CFI: variants seen among roughly 807,000 people sequenced by gnomAD.
CFI encodes the protein C3B/C4B inactivator.
Under a neutral mutation model 78.8 loss-of-function variants are expected in CFI, and 66 were observed. The observed-to-expected ratio is 0.84, with a 90% CI of 0.69 to 1.03. The LOEUF is 1.03. CFI is among the 50% of genes least tolerant of loss of function. CFI has a pLI of 0.00. For missense variants in CFI, 706 were observed against 704.5 expected (o/e 1.00, Z -0.02); for synonymous variants, 250 against 232.6 (o/e 1.07, Z -0.68).
intron 4 of CFI, 35 bp from the exon 5 acceptor site, chr4:109,760,671 T>C (rs370378650): frequency 4.7e-5 from 57 of 1,206,348 alleles, no homozygotes; most frequent in Non-Finnish European, 6.7e-5. Context: ...GAAATTTATT[T>C]ATGGAGTGGT....
At chr4:109,783,489 T>TTACTACTTTATTATG (rs938630129) in intron 1 of CFI, among the ~76,000 whole-genome samples, 1 of 151,970 alleles carries the variant, frequency 6.6e-6, no homozygotes, top group Non-Finnish European at 1.5e-5. Flanking sequence ...ACCTTACTCC[T>TTACTACTTTATTATG]GCAAGAATGG....
the CFI span, among the ~76,000 whole-genome samples, chr4:109,732,673 C>A: frequency 1.3e-5 from 2 of 151,924 alleles, no homozygotes; most frequent in Non-Finnish European, 2.9e-5. Flanking sequence ...CTGGCTAACA[C>A]GGTGAAACCC....
At chr4:109,800,319 C>CTTTTTTTTTTTTTTTTTTTTTTTTTT (rs1560572852) in intron 1 of CFI, among the ~76,000 whole-genome samples, 1 of 102,106 alleles carries the variant, frequency 9.8e-6, no homozygotes, top group African/African-American at 3.9e-5. Context: ...TTTGGCTTCT[C>CTTTTTTTTTTTTTTTTTTTTTTTTTT]TGTTTTTTTT....
chr4:109,742,328 T>G (rs2126180173), intron 12 of CFI, 163 bp downstream of exon 12: 345 of 638,764 alleles, frequency 5.4e-4, no homozygotes, highest in East Asian at 8.0e-4. Context: ...GGAAGAAACC[T>G]GAGCTACAGG....
intron 1 of CFI, among the ~76,000 whole-genome samples, chr4:109,768,990 G>C (rs1051741500): frequency 6.6e-6 from 1 of 151,488 alleles, no homozygotes; most frequent in African/African-American, 2.4e-5. Context: ...CACTTTTCAT[G>C]GTTCCACGTA....
chr4:109,777,370 C>A (rs1386649342), intron 1 of CFI, among the ~76,000 whole-genome samples: 1 of 152,036 alleles, frequency 6.6e-6, no homozygotes, highest in Non-Finnish European at 1.5e-5. Flanking sequence ...CAACAAAGAT[C>A]AAAAGAGACA....
intron 1 of CFI, among the ~76,000 whole-genome samples, chr4:109,768,983 T>C (rs764553746): frequency 6.6e-6 from 1 of 150,466 alleles, no homozygotes; most frequent in African/African-American, 2.4e-5. Context: ...AGTTACGCAC[T>C]TTTCATGGTT....
intron 1 of CFI, among the ~76,000 whole-genome samples, chr4:109,771,714 CAAAAAAAAAAAAAA>C (rs149565381): frequency 7.2e-4 from 13 of 18,128 alleles, no homozygotes; most frequent in South Asian, 4.8e-3. Flanking sequence ...ACTCCATCAC[CAAAAAAAAAAAAAA>C]AAAAAAAAAA....
chr4:109,757,757 T>C lies in CFI; in HGVS notation c.904+6A>G. The C allele has an allele frequency of 7.0e-7, 1 of 1,428,646 alleles. No homozygotes were observed. The allele number at this position is 1,428,646 out of a possible 1,614,324, so 88.5% of individuals were successfully genotyped here. A position where few individuals can be genotyped will look rare whatever the true frequency, so the allele number is the denominator to read the frequency against. On this transcript the variant is annotated splice_donor_region_variant and intron_variant, in intron 7 of 12. Coordinates refer to ENST00000394634, the MANE Select transcript of CFI (RefSeq NM_000204.5). ...TAATATCCCCAAATTTTAATAAAAA[T>C]TTTACCTTGAGTCACAGATGCAAAG...
chr4:109,795,731 T>C (rs28762207), intron 1 of CFI, among the ~76,000 whole-genome samples: 17,319 of 152,002 alleles, frequency 0.11, 2,093 homozygotes, highest in East Asian at 0.31. Flanking sequence ...AAAAATTCAG[T>C]AGAGAGCTCA....
chr4:109,757,082 G>T (rs1726404673), intron 7 of CFI, among the ~76,000 whole-genome samples: 1 of 151,938 alleles, frequency 6.6e-6, no homozygotes, highest in Non-Finnish European at 1.5e-5. Flanking sequence ...AGGCTGGAGT[G>T]CAGTGACGCG....
At chr4:109,754,283 C>T (rs2126202617) in intron 7 of CFI, among the ~76,000 whole-genome samples, 1 of 151,778 alleles carries the variant, frequency 6.6e-6, no homozygotes, top group Non-Finnish European at 1.5e-5. Flanking sequence ...TGCCTGGCCT[C>T]CCAAGGTGTT....
At chr4:109,789,441 G>GAC (rs71595517) in intron 1 of CFI, among the ~76,000 whole-genome samples, 27,681 of 151,752 alleles carry the variant, frequency 0.18, 4,836 homozygotes, top group African/African-American at 0.44. Flanking sequence ...AAGGAAAAAA[G>GAC]ACACTATGTA....
At chr4:109,738,826 G>A (rs1210626144), downstream of CFI, among the ~76,000 whole-genome samples, 1 of 152,200 alleles carries the variant, frequency 6.6e-6, no homozygotes, top group Non-Finnish European at 1.5e-5. Context: ...GTCCAATCCT[G>A]TCTGACGGCA....
chr4:109,760,744 A>G (rs1726952752), intron 4 of CFI, 108 bp from the exon 5 acceptor site: 1 of 725,852 alleles, frequency 1.4e-6, no homozygotes, highest in African/African-American at 1.7e-5. Flanking sequence ...TAAACTTCAA[A>G]AAAATGTATA....
chr4:109,734,485 A>G, the CFI span, among the ~76,000 whole-genome samples: 1 of 152,200 alleles, frequency 6.6e-6, no homozygotes, highest in Admixed American at 6.5e-5. Context: ...ACACAGTTGT[A>G]GTCAGAGGAA....
chr4:109,782,747 C>A (rs372176425), intron 1 of CFI, among the ~76,000 whole-genome samples: 1 of 152,042 alleles, frequency 6.6e-6, no homozygotes, highest in African/African-American at 2.4e-5. Context: ...AAGAGCAAAT[C>A]TGGAAGCATC....
rs757053954 is a variant in CFI at position 109,746,350 on chromosome 4, TC to T, written c.1300del (p.Glu434LysfsTer2). On this transcript the variant is annotated frameshift_variant, in exon 11 of 13. Transcript: ENST00000394634. LOFTEE classifies it high-confidence loss of function. ...GTYQNDIALI[E>X]MKKDGNKKDC... is the part of the protein sequence containing the mutation. ...TTTTTTGTTTCCGTCTTTTTTCATT[TC>T]AATCAAAGCGATGTCATTTTGGTAA... 12 of 1,614,086 alleles carry T rather than the reference TC, an allele frequency of 7.4e-6. No individual in the cohort carries two copies. The Admixed American group carries it at 1.8e-4, about 25-fold the overall frequency.
intron 1 of CFI, among the ~76,000 whole-genome samples, chr4:109,774,424 T>C (rs1194523825): frequency 6.6e-6 from 1 of 152,122 alleles, no homozygotes; most frequent in African/African-American, 2.4e-5. Flanking sequence ...TGCAGCTCTC[T>C]AGGGGTGATG....
Sources: gnomAD v4.1 joint callset for allele counts (sites outside exome capture counted in the v4.1 genomes callset) on GRCh38, gnomAD v4.1.1 for gene constraint, MANE v1.5 for transcripts, NCBI Gene and HGNC (gene_info 2026-07-23, HGNC 2026-07-21) for gene names.